Variants in KIF26B observed in about 807,000 individuals in gnomAD.
KIF26B encodes the protein kinesin-like protein KIF26B.
A neutral mutation model predicts 151.2 loss-of-function variants in KIF26B; 63 were observed. The observed-to-expected ratio is 0.42, with a 90% CI of 0.34 to 0.51. KIF26B has a LOEUF of 0.51. Ranked by LOEUF, KIF26B falls within the 20% of genes least tolerant of loss-of-function variation. The pLI is 0.07. For missense variants in KIF26B, 2,813 were observed against 2,913.6 expected (o/e 0.97, Z 0.79); for synonymous variants, 1,357 against 1,262.1 (o/e 1.08, Z -1.59).
chr1:245,473,599 G>A (rs1395139670), intron 4 of KIF26B, among the ~76,000 whole-genome samples: 3 of 151,788 alleles, frequency 2.0e-5, no homozygotes, highest in Non-Finnish European at 2.9e-5. Flanking sequence ...AGAAGGAAAC[G>A]AAAGCAAGCA....
rs1248861932 is a variant in KIF26B at position 245,239,785 on chromosome 1, TG to T, written c.465+83103del. On this transcript the variant is annotated intron_variant, in intron 2 of 14. Coordinates refer to ENST00000407071, the MANE Select transcript of KIF26B (RefSeq NM_018012.4). This position sits in a 1 kb window ranked among gnomAD's most constrained non-coding sequence, Gnocchi z 4.3. ...TGCTGGGATTACAGGCATGAGCCAT[TG>T]TGTCCTGACCAGTAAAATGATTTTC... Among the ~76,000 whole-genome samples, 1 of 151,922 alleles carries T rather than the reference TG, an allele frequency of 6.6e-6. No individual in the cohort carries two copies. The highest frequency in any genetic ancestry group is 1.9e-4 in the East Asian group (1 of 5,154).
intron 2 of KIF26B, among the ~76,000 whole-genome samples, chr1:245,222,877 A>C (rs1669802286): frequency 6.6e-6 from 1 of 152,250 alleles, no homozygotes. Context: ...ATGTTTTAAT[A>C]TGAAAAATTT....
rs1298787277 is a variant in KIF26B, at chr1:245,388,711, G to A, written c.999+21344G>A. Among the ~76,000 whole-genome samples, 3 of 152,210 alleles carry A rather than the reference G, an allele frequency of 2.0e-5. No individual in the cohort carries two copies. In the East Asian group the frequency reaches 5.8e-4, roughly 29 times the overall value. On this transcript the variant is annotated intron_variant, in intron 3 of 14. Coordinates refer to ENST00000407071, the MANE Select transcript of KIF26B (RefSeq NM_018012.4). ...CTTCTCCCATAGCCCTTTCAGCACT[G>A]TGATCAATCTGACCCTTACACTCAA...
rs186159141 is a variant in KIF26B at position 245,652,648 on chromosome 1, G to A, written c.2258+6368G>A. The stretch of plus-strand genomic sequence containing the variant: ...CAGTCACTCAGGGAGAAATGACACC[G>A]TCTGGGGATCGGCCGGGGTCACAAA... On this transcript the variant is annotated intron_variant, in intron 10 of 14. Transcript: ENST00000407071. Among the ~76,000 whole-genome samples, 269 of 152,280 alleles carry A rather than the reference G, an allele frequency of 1.8e-3. 3 individuals carry two copies. The highest frequency in any genetic ancestry group is 6.2e-3 in the African/African-American group (256 of 41,558).
chr1:245,618,437 A>T (rs1364637521), intron 9 of KIF26B, among the ~76,000 whole-genome samples: 1 of 149,818 alleles, frequency 6.7e-6, no homozygotes, highest in Non-Finnish European at 1.5e-5. Context: ...AAGGCCTATT[A>T]GACTATAGGT....
chr1:245,467,293 T>A (rs608295), intron 4 of KIF26B, among the ~76,000 whole-genome samples: 1 of 152,130 alleles, frequency 6.6e-6, no homozygotes, highest in African/African-American at 2.4e-5. Flanking sequence ...AGCTCTTTAT[T>A]CTGTGTTTCG....
chr1:245,183,397 T>G (rs1391683186), intron 2 of KIF26B, among the ~76,000 whole-genome samples: 1 of 152,228 alleles, frequency 6.6e-6, no homozygotes, highest in Non-Finnish European at 1.5e-5. Context: ...TACTTCCAGA[T>G]TTTTGTCTTA....
intron 2 of KIF26B, among the ~76,000 whole-genome samples, chr1:245,255,619 T>C (rs1670518619): frequency 6.6e-6 from 1 of 152,204 alleles, no homozygotes; most frequent in African/African-American, 2.4e-5. Context: ...AGTGGCTTCG[T>C]GCTGTAAAGG....
chr1:245,401,864 C>T lies in KIF26B; in HGVS notation c.1000-17715C>T, dbSNP rs551913687. Among the ~76,000 whole-genome samples, 492 of 144,966 alleles carry T rather than the reference C, an allele frequency of 3.4e-3. 2 individuals are homozygous for T. The highest frequency in any genetic ancestry group is 0.013 in the African/African-American group (482 of 35,888). ...CAGCCTGGGAGACAGAGCGAGATTC[C>T]ATCTCCAAACAAACAAACAAACAAA... On this transcript the variant is annotated intron_variant, in intron 3 of 14. Transcript: ENST00000407071.
intron 4 of KIF26B, among the ~76,000 whole-genome samples, chr1:245,500,500 G>T (rs950185503): frequency 1.3e-5 from 2 of 152,196 alleles, no homozygotes; most frequent in Non-Finnish European, 2.9e-5. Context: ...TGAAAACTGG[G>T]TTTGTTGTAA....
chr1:245,566,329 C>T (rs1442687212), intron 5 of KIF26B, among the ~76,000 whole-genome samples: 6 of 152,258 alleles, frequency 3.9e-5, no homozygotes, highest in African/African-American at 1.4e-4. Context: ...ACTTTATGCC[C>T]TTTGGCTTGC....
chr1:245,595,699 T>C (rs1175207030), intron 5 of KIF26B, among the ~76,000 whole-genome samples: 1 of 152,198 alleles, frequency 6.6e-6, no homozygotes, highest in Non-Finnish European at 1.5e-5. Flanking sequence ...GAGGAGTCCC[T>C]CTTTTTCTAT....
chr1:245,646,212 T>C lies in KIF26B; in HGVS notation c.2190T>C (p.Cys730=). Residue 730 remains cysteine (C), a synonymous_variant, in exon 10 of 15, where the codon TGT becomes TGC. Transcript: ENST00000407071. ...ATCGAGAAGGAGGCTCAGGGCTGTG[T>C]CTCTCGCTGTCTGCTCTGGGCAATG... The part of the protein sequence containing the change: ...SKNREGGSGL[C]LSLSALGNVI... 2 of 1,613,992 alleles carry C rather than the reference T, an allele frequency of 1.2e-6. No homozygotes were observed. Among genetic ancestry groups the C allele is most frequent in the South Asian group, 2.2e-5 (2 of 91,066 alleles).
At chr1:245,517,563 A>G (rs1660996615) in intron 4 of KIF26B, among the ~76,000 whole-genome samples, 1 of 152,186 alleles carries the variant, frequency 6.6e-6, no homozygotes, top group Non-Finnish European at 1.5e-5. Flanking sequence ...CCACACAAAC[A>G]TTTATTGAGC....
At chr1:245,437,521 G>C (rs937891340) in intron 4 of KIF26B, among the ~76,000 whole-genome samples, 1 of 152,118 alleles carries the variant, frequency 6.6e-6, no homozygotes, top group Non-Finnish European at 1.5e-5. Flanking sequence ...TTATTACTTT[G>C]CATGTTCTTT....
At chr1:245,517,720 A>C (rs1302635473) in intron 4 of KIF26B, among the ~76,000 whole-genome samples, 2 of 152,194 alleles carry the variant, frequency 1.3e-5, no homozygotes, top group Non-Finnish European at 2.9e-5. Flanking sequence ...GAAGAGATGA[A>C]TAATTCTGCT....
chr1:245,610,019 G>A (rs1051161065), intron 8 of KIF26B, among the ~76,000 whole-genome samples: 1 of 152,196 alleles, frequency 6.6e-6, no homozygotes, highest in African/African-American at 2.4e-5. Context: ...GCCAAGAGAA[G>A]CTCCAGTTCA....
chr1:245,413,156 G>A (rs1306755468), intron 3 of KIF26B, among the ~76,000 whole-genome samples: 4 of 152,178 alleles, frequency 2.6e-5, no homozygotes, highest in South Asian at 2.1e-4. Flanking sequence ...ACCACCCCGT[G>A]TGTTTTCGGC....
At chr1:245,407,031 G>C (rs1393327639) in intron 3 of KIF26B, among the ~76,000 whole-genome samples, 3 of 152,148 alleles carry the variant, frequency 2.0e-5, no homozygotes, top group Non-Finnish European at 2.9e-5. Flanking sequence ...CAAGTGATCT[G>C]CCTGCCTTGG....
Sources: allele counts gnomAD v4.1 joint callset (sites outside exome capture counted in the v4.1 genomes callset), GRCh38; gene constraint gnomAD v4.1.1; non-coding constraint Gnocchi (gnomAD v3.1); transcripts MANE v1.5; gene names NCBI Gene and HGNC (gene_info 2026-07-23, HGNC 2026-07-21).